The following POLR3B variants were observed in gnomAD, a reference collection of about 807,000 sequenced individuals.
POLR3B encodes RNA polymerase III subunit B.
A neutral mutation model predicts 147.4 loss-of-function variants in POLR3B; 96 were observed. The ratio of observed to expected loss-of-function variants is 0.65; its 90% confidence interval spans 0.55 to 0.77. POLR3B has a LOEUF of 0.77. POLR3B is among the 30% of genes least tolerant of loss of function. POLR3B has a pLI of 0.00. For synonymous variants in POLR3B, 461 were observed against 485.9 expected, an observed-to-expected ratio of 0.95 and a Z score of 0.67; for missense variants, 1,036 against 1,413.5, an observed-to-expected ratio of 0.73 and a Z score of 4.28.
At chr12:106,381,564 C>T (rs1388929763) in intron 9 of POLR3B, among the ~76,000 whole-genome samples, 1 of 152,204 alleles carries the variant, frequency 6.6e-6, no homozygotes, top group Non-Finnish European at 1.5e-5. Flanking sequence ...GTCACATCTT[C>T]AGGCTCCACT....
chr12:106,459,886 T>TA (rs1264829595), intron 22 of POLR3B, among the ~76,000 whole-genome samples: 1 of 152,208 alleles, frequency 6.6e-6, no homozygotes, highest in Non-Finnish European at 1.5e-5. Context: ...ATGAAAGAGT[T>TA]AGACTTGTTA....
chr12:106,502,823 C>G (rs1266924201), intron 26 of POLR3B, among the ~76,000 whole-genome samples: 1 of 152,200 alleles, frequency 6.6e-6, no homozygotes, highest in Non-Finnish European at 1.5e-5. Context: ...ATGCTGTCCC[C>G]TCCTAAACTT....
At chr12:106,472,372 A>G (rs1186194442) in intron 23 of POLR3B, among the ~76,000 whole-genome samples, 5 of 151,666 alleles carry the variant, frequency 3.3e-5, no homozygotes, top group Non-Finnish European at 5.9e-5. Flanking sequence ...ATTTGGTTAT[A>G]TACCCAGTAA....
chr12:106,477,891 C>CCTT (rs1565909279), intron 23 of POLR3B, among the ~76,000 whole-genome samples: 22 of 70,550 alleles, frequency 3.1e-4, no homozygotes, highest in East Asian at 1.2e-3. Flanking sequence ...GGCTCCTCCC[C>CCTT]TTTTTTTTTT....
chr12:106,454,699 TC>T lies in POLR3B; in HGVS notation c.2282del (p.Ser761PhefsTer2). 6.3e-7 allele frequency: 1 copy of T among 1,591,532 alleles called. No homozygotes were observed. Among genetic ancestry groups the T allele is most frequent in the Non-Finnish European group, 8.6e-7 (1 of 1,159,584 alleles). On this transcript the variant is annotated frameshift_variant, in exon 20 of 28. Coordinates refer to ENST00000228347, the MANE Select transcript of POLR3B (RefSeq NM_018082.6). LOFTEE classifies it high-confidence loss of function. ...AGATGCTCTTGTTTTAAACAAGGCC[TC>T]TTTAGACAGAGGTAAGTGAATTTTC... ...IEDALVLNKA[S>X]LDRGFGRCLV...
In POLR3B at chr12:106,496,298, A is replaced by G. The variant is rs576880753; in HGVS notation, c.2817+140A>G. The G allele has an allele frequency of 3.5e-4, 251 of 718,030 alleles. 2 individuals are homozygous for G. The South Asian group carries it at 3.6e-3, about 10-fold the overall frequency. The allele number at this position is 718,030 out of a possible 1,614,324, so 44.5% of individuals were successfully genotyped here. The stretch of plus-strand genomic sequence containing the variant: ...CTCTTCTGCCCCTTGCCAGATAAAC[A>G]GGCTTCCAGCCCCTAACGATTCTGG... On this transcript the variant is annotated intron_variant, in intron 24 of 27. Coordinates refer to ENST00000228347, the MANE Select transcript of POLR3B (RefSeq NM_018082.6).
Position 106,369,690 on chromosome 12 carries a change from A to G in POLR3B, c.404+7A>G. 6.4e-7 allele frequency: 1 copy of G among 1,570,756 alleles called. No homozygotes were observed. Among genetic ancestry groups the G allele is most frequent in the Non-Finnish European group, 8.8e-7 (1 of 1,140,784 alleles). ...ATGCCTTACCTATCGGCAGGTGAGA[A>G]ATGAAATCCGTATTAGAGCCACACT... On this transcript the variant is annotated splice_region_variant and intron_variant, in intron 6 of 27. Transcript: ENST00000228347.
intron 19 of POLR3B, among the ~76,000 whole-genome samples, chr12:106,446,929 A>G (rs2037732990): frequency 6.6e-6 from 1 of 152,238 alleles, no homozygotes; most frequent in Admixed American, 6.5e-5. Flanking sequence ...AAAGGTCAGC[A>G]GAGGGAGAAA....
chr12:106,448,839 A>G (rs1405330441), intron 19 of POLR3B, among the ~76,000 whole-genome samples: 3 of 152,106 alleles, frequency 2.0e-5, no homozygotes, highest in African/African-American at 7.2e-5. Context: ...AGTAACATAT[A>G]AAAGGTTTTC....
intron 9 of POLR3B, among the ~76,000 whole-genome samples, chr12:106,381,048 TA>T (rs2036755851): frequency 6.6e-6 from 1 of 152,232 alleles, no homozygotes; most frequent in South Asian, 2.1e-4. Context: ...ACTTTATTGC[TA>T]AAAAATTCTA....
intron 9 of POLR3B, among the ~76,000 whole-genome samples, chr12:106,383,498 G>A (rs1180259879): frequency 6.6e-6 from 1 of 151,952 alleles, no homozygotes; most frequent in Non-Finnish European, 1.5e-5. Flanking sequence ...GCCATTCTTG[G>A]GTTATTAATT....
Position 106,410,963 on chromosome 12 carries a change from GA to G in POLR3B, c.1101+4del. On this transcript the variant is annotated splice_donor_region_variant and intron_variant, in intron 12 of 27. Coordinates refer to ENST00000228347, the MANE Select transcript of POLR3B (RefSeq NM_018082.6). ...AGCGACTGGAATTGGCAGGACAGGT[GA>G]TTTAATATTTTATGTCAGAAATCTT... The G allele has an allele frequency of 6.2e-7, 1 of 1,609,538 alleles. No homozygotes were observed.
chr12:106,396,680 C>T (rs1188962201), intron 10 of POLR3B, among the ~76,000 whole-genome samples: 1 of 152,074 alleles, frequency 6.6e-6, no homozygotes, highest in Admixed American at 6.6e-5. Flanking sequence ...GATACCTGAT[C>T]TAGGTTTTGA....
At chr12:106,409,358 T>G (rs536542813) in intron 11 of POLR3B, among the ~76,000 whole-genome samples, 18 of 144,590 alleles carry the variant, frequency 1.2e-4, no homozygotes, top group Admixed American at 8.2e-4. Context: ...TTTTTTTGTT[T>G]TTTTTTTTTT....
intron 12 of POLR3B, among the ~76,000 whole-genome samples, chr12:106,417,137 A>G (rs1304428286): frequency 6.6e-6 from 1 of 152,204 alleles, no homozygotes; most frequent in East Asian, 1.9e-4. Flanking sequence ...CATTGAGGAA[A>G]GGAACCATTT....
intron 18 of POLR3B, among the ~76,000 whole-genome samples, chr12:106,438,752 T>C (rs910369913): frequency 2.0e-5 from 3 of 152,238 alleles, no homozygotes; most frequent in South Asian, 4.1e-4. Context: ...TATAAAAATA[T>C]ACTTACCTCT....
chr12:106,469,760 G>T (rs1209070086), intron 23 of POLR3B, among the ~76,000 whole-genome samples: 1 of 152,162 alleles, frequency 6.6e-6, no homozygotes, highest in Non-Finnish European at 1.5e-5. Flanking sequence ...TTTTCTTTAA[G>T]AATGTTGAAT....
intron 14 of POLR3B, among the ~76,000 whole-genome samples, chr12:106,430,987 C>T (rs1170507315): frequency 1.3e-5 from 2 of 152,210 alleles, no homozygotes; most frequent in African/African-American, 4.8e-5. Context: ...GCACCCGCTA[C>T]TCCCTGTGTC....
At chr12:106,391,784 A>T (rs1191507555) in intron 9 of POLR3B, among the ~76,000 whole-genome samples, 10 of 152,220 alleles carry the variant, frequency 6.6e-5, no homozygotes, top group African/African-American at 2.4e-4. Context: ...TGTACTGAGG[A>T]TAATGTCCTT....
Sources: allele counts gnomAD v4.1 joint callset (sites outside exome capture counted in the v4.1 genomes callset), GRCh38; gene constraint gnomAD v4.1.1; transcripts MANE v1.5; gene names NCBI Gene and HGNC (gene_info 2026-07-23, HGNC 2026-07-21).